Variants in C3orf49 observed in about 807,000 individuals in gnomAD.
The protein encoded by C3orf49 is chromosome 3 open reading frame 49, also known as putative uncharacterized protein C3orf49.
In C3orf49, 27 loss-of-function variants were observed where a neutral mutation model predicts 13.3. That is an observed-to-expected ratio of 2.02 (90% CI 1.49 to 2.79). The LOEUF is 2.79. Among genes scored for constraint, C3orf49 ranks in the 30% most tolerant of loss-of-function variants. The pLI is 0.00. For synonymous variants in C3orf49, 87 were observed against 47.6 expected (o/e 1.83, Z -3.40); for missense variants, 242 against 134.2 (o/e 1.80, Z -3.97).
chr3:63,791,082 C>T, the C3orf49 span, among the ~76,000 whole-genome samples: 46 of 152,242 alleles, frequency 3.0e-4, 1 homozygote, highest in East Asian at 7.5e-3. Context: ...TTTTTTCAAC[C>T]TGCAAGAAAC....
At chr3:63,806,450 A>C in the C3orf49 span, among the ~76,000 whole-genome samples, 1 of 152,242 alleles carries the variant, frequency 6.6e-6, no homozygotes, top group South Asian at 2.1e-4. Flanking sequence ...AATGTTTTGC[A>C]ATGTGCAACA....
chr3:63,819,498 A>G lies in C3orf49; in HGVS notation c.27A>G (p.Pro9=), dbSNP rs1206273448. 4.3e-6 allele frequency: 3 copies of G among 702,908 alleles called. No homozygotes were observed. In the African/African-American group the frequency reaches 5.2e-5, roughly 12 times the overall value. 43.5% of individuals were successfully genotyped at this position (702,908 alleles called of 1,614,324 possible). A position where few individuals can be genotyped will look rare whatever the true frequency, so the allele number is the denominator to read the frequency against. ...TGGCCCAACCTCAGCTGTATCTACC[A>G]GAACCCTTTAAGATTGCCTACAGAA... MAQPQLYL[P]EPFKIAYRKV... The change falls in exon 1 of 7, where the codon CCA becomes CCG. Residue 9 remains proline, a synonymous_variant. Coordinates refer to ENST00000295896, the MANE Select transcript of C3orf49 (RefSeq NM_001355236.2).
At chr3:63,806,889 G>A in the C3orf49 span, among the ~76,000 whole-genome samples, 25 of 152,118 alleles carry the variant, frequency 1.6e-4, no homozygotes, top group African/African-American at 5.1e-4. Flanking sequence ...GTGACTCCTC[G>A]GGGAACCATA....
intron 5 of C3orf49, among the ~76,000 whole-genome samples, chr3:63,833,255 CCTGG>C (rs1701557879): frequency 1.3e-5 from 2 of 152,042 alleles, no homozygotes; most frequent in South Asian, 4.2e-4. Flanking sequence ...TGCCACCACA[CCTGG>C]CTAATTTTGT....
chr3:63,817,865 A>G (rs1170034945), upstream of C3orf49, among the ~76,000 whole-genome samples: 1 of 152,202 alleles, frequency 6.6e-6, no homozygotes. Flanking sequence ...CATAAAATTC[A>G]TCTCATTCAT....
At chr3:63,827,380 T>C (rs1007874323) in intron 2 of C3orf49, 1 of 375,398 alleles carries the variant, frequency 2.7e-6, no homozygotes, top group South Asian at 8.0e-5. Flanking sequence ...AAAGACTGGG[T>C]TGGTGTCCAC....
the C3orf49 span, among the ~76,000 whole-genome samples, chr3:63,808,798 A>C: frequency 6.6e-6 from 1 of 152,098 alleles, no homozygotes; most frequent in Admixed American, 6.6e-5. Flanking sequence ...GCCCAGGTAC[A>C]CTCAGCCCAG....
intron 1 of C3orf49, 56 bp downstream of exon 1, chr3:63,819,652 T>C (rs111373935): frequency 5.7e-6 from 4 of 700,410 alleles, no homozygotes; most frequent in African/African-American, 1.8e-5. Flanking sequence ...TTTGGCATAG[T>C]GGCATGTCCT....
At chr3:63,821,058 C>A (rs1304178005) in intron 1 of C3orf49, among the ~76,000 whole-genome samples, 1 of 152,114 alleles carries the variant, frequency 6.6e-6, no homozygotes, top group African/African-American at 2.4e-5. Context: ...TTTAAGGTTC[C>A]AAACACATGA....
intron 2 of C3orf49, among the ~76,000 whole-genome samples, chr3:63,825,895 G>A (rs1701459828): frequency 6.6e-6 from 1 of 152,206 alleles, no homozygotes; most frequent in Non-Finnish European, 1.5e-5. Context: ...TAGGGGAGGG[G>A]TCTCAGGAAA....
At chr3:63,826,561 G>A (rs1045477118) in intron 2 of C3orf49, among the ~76,000 whole-genome samples, 1 of 152,156 alleles carries the variant, frequency 6.6e-6, no homozygotes, top group Non-Finnish European at 1.5e-5. Context: ...GTTCTGGCTA[G>A]ACTTGCTGAC....
the C3orf49 span, among the ~76,000 whole-genome samples, chr3:63,783,729 A>AAATTAATT: frequency 1.4e-3 from 207 of 148,584 alleles, no homozygotes; most frequent in African/African-American, 5.1e-3. Context: ...AAAAAAAATT[A>AAATTAATT]AATTAATTAA....
At chr3:63,826,178 G>A (rs554137154) in intron 2 of C3orf49, among the ~76,000 whole-genome samples, 1 of 152,270 alleles carries the variant, frequency 6.6e-6, no homozygotes, top group South Asian at 2.1e-4. Flanking sequence ...TCTTCTAAGG[G>A]TGATAAGAAA....
At chr3:63,840,335 A>G (rs533332259) in intron 5 of C3orf49, among the ~76,000 whole-genome samples, 19 of 152,288 alleles carry the variant, frequency 1.2e-4, no homozygotes, top group Middle Eastern at 3.4e-3. Flanking sequence ...AGATAAACAT[A>G]TAATTTAAGG....
the C3orf49 span, among the ~76,000 whole-genome samples, chr3:63,808,195 A>G: frequency 1.3e-5 from 2 of 152,190 alleles, no homozygotes; most frequent in East Asian, 3.9e-4. Flanking sequence ...GAAGCTCCTC[A>G]TTGTTATTTA....
chr3:63,819,333 T>C lies in C3orf49; in HGVS notation c.-139T>C. On this transcript the variant is annotated 5_prime_UTR_variant, in exon 1 of 7. Coordinates refer to ENST00000295896, the MANE Select transcript of C3orf49 (RefSeq NM_001355236.2). ...CTGGAAGGGAATAAGGGAAAGACTC[T>C]AAAAATTTCCTACATATTTTATTCC... is the stretch of plus-strand genomic sequence containing the variant. The C allele has an allele frequency of 1.7e-6, 1 of 591,752 alleles. No homozygotes were observed. The highest frequency in any genetic ancestry group is 3.0e-6 in the Non-Finnish European group (1 of 331,860). The allele number at this position is 591,752 out of a possible 1,614,324, so 36.7% of individuals were successfully genotyped here.
the C3orf49 span, among the ~76,000 whole-genome samples, chr3:63,789,486 A>G: frequency 6.6e-6 from 1 of 152,160 alleles, no homozygotes; most frequent in Non-Finnish European, 1.5e-5. Flanking sequence ...GTAGAGTAGA[A>G]TATCACTTCA....
Position 63,836,262 on chromosome 3 carries a change from T to C in C3orf49, c.849+4418T>C, listed in dbSNP as rs961436404. On this transcript the variant is annotated intron_variant, in intron 5 of 6. Coordinates refer to ENST00000295896, the MANE Select transcript of C3orf49 (RefSeq NM_001355236.2). ...ACGGTAGTTTTCGAGCATTTATGTA[T>C]AAAGGTTAGTTCCTTTCAAAGTAAA... is the stretch of plus-strand genomic sequence containing the variant. 4 of 1,587,736 alleles carry C rather than the reference T, an allele frequency of 2.5e-6. No homozygotes were observed. In the African/African-American group the frequency reaches 4.1e-5, roughly 16 times the overall value.
chr3:63,781,016 G>A, the C3orf49 span, among the ~76,000 whole-genome samples: 1 of 151,214 alleles, frequency 6.6e-6, no homozygotes, highest in East Asian at 1.9e-4. Context: ...TGTCAATTTT[G>A]TCTTTTGTTG....
Sources: allele counts gnomAD v4.1 joint callset (sites outside exome capture counted in the v4.1 genomes callset), GRCh38; gene constraint gnomAD v4.1.1; transcripts MANE v1.5; gene names NCBI Gene and HGNC (gene_info 2026-07-23, HGNC 2026-07-21).